The following CD207 variants were observed in gnomAD, a reference collection of about 807,000 sequenced individuals.
The protein encoded by CD207 is CD207 molecule.
CD207 carries 28 observed loss-of-function variants against 31.6 expected under a neutral mutation model. The observed-to-expected ratio is 0.89, with a 90% CI of 0.66 to 1.21. The LOEUF (loss-of-function observed/expected upper bound fraction) is 1.21, where lower values mean the gene tolerates loss of function less well. CD207 is among the 50% of genes most tolerant of loss of function. The probability of loss-of-function intolerance (pLI) is 0.00; values close to 1 mark genes in which losing one functional copy is unlikely to be tolerated. For synonymous variants in CD207, 168 were observed against 153.9 expected, an observed-to-expected ratio of 1.09 and a Z score of -0.68; for missense variants, 388 against 397.8, an observed-to-expected ratio of 0.98 and a Z score of 0.21.
downstream of CD207, among the ~76,000 whole-genome samples, chr2:70,827,385 G>C (rs1412362931): frequency 2.0e-5 from 3 of 152,184 alleles, no homozygotes; most frequent in Non-Finnish European, 1.5e-5. Context: ...GGAGGTTCTT[G>C]GAGGTCTGGG....
Position 70,831,795 on chromosome 2 carries a change from C to T in CD207, c.742G>A (p.Gly248Arg). 2 of 1,612,258 alleles carry T rather than the reference C, an allele frequency of 1.2e-6. No individual in the cohort carries two copies. The highest frequency in any genetic ancestry group is 1.1e-5 in the South Asian group (1 of 91,010). ...EQEFLYKTAG[G>R]LIYWIGLTKA... Reference sequence around the variant, plus strand: ...GTCAGGCCAATCCAGTAGATGAGTCCCCCCGCTGTTTTATACAGAAACTCC... The same window carrying T: ...GTCAGGCCAATCCAGTAGATGAGTCTCCCCGCTGTTTTATACAGAAACTCC... The change falls in exon 5 of 6, where the codon GGA (glycine) becomes AGA (arginine). Residue 248 changes from glycine (G) to arginine (R), a missense_variant. Coordinates refer to ENST00000410009, the MANE Select transcript of CD207 (RefSeq NM_015717.5).
the CD207 span, among the ~76,000 whole-genome samples, chr2:70,824,800 T>G: frequency 6.6e-6 from 1 of 152,196 alleles, no homozygotes; most frequent in East Asian, 1.9e-4. Flanking sequence ...GAGTCCATAC[T>G]GACATAAATG....
At chr2:70,828,103 A>G (rs1677388064), downstream of CD207, among the ~76,000 whole-genome samples, 1 of 152,242 alleles carries the variant, frequency 6.6e-6, no homozygotes, top group African/African-American at 2.4e-5. Context: ...TTCACCTGAC[A>G]ATGGAAAAAT....
downstream of CD207, among the ~76,000 whole-genome samples, chr2:70,828,865 C>T (rs902415521): frequency 1.3e-5 from 2 of 152,096 alleles, no homozygotes; most frequent in African/African-American, 4.8e-5. Context: ...GGGGTTTCAC[C>T]ATGTTGGCCA....
At chr2:70,829,610 G>T (rs13414647), downstream of CD207, among the ~76,000 whole-genome samples, 1 of 152,128 alleles carries the variant, frequency 6.6e-6, no homozygotes, top group African/African-American at 2.4e-5. Flanking sequence ...CTGGTGAGAG[G>T]CAGGGAACTC....
chr2:70,829,365 C>T (rs1677415199), downstream of CD207, among the ~76,000 whole-genome samples: 1 of 152,230 alleles, frequency 6.6e-6, no homozygotes, highest in African/African-American at 2.4e-5. Context: ...CCACACAGGG[C>T]CACATGGGGT....
chr2:70,834,138 A>G, intron 2 of CD207, 118 bp from the exon 3 acceptor site: 8 of 929,224 alleles, frequency 8.6e-6, no homozygotes, highest in Non-Finnish European at 1.2e-5. Flanking sequence ...AAGAACCAAG[A>G]CAGTCCAATG....
chr2:70,829,990 C>G (rs1192462753), downstream of CD207, among the ~76,000 whole-genome samples: 1 of 152,156 alleles, frequency 6.6e-6, no homozygotes, highest in Non-Finnish European at 1.5e-5. Flanking sequence ...GAAAGATCAC[C>G]AAGATCGTGA....
chr2:70,834,638 A>G (rs1553400640), intron 2 of CD207, among the ~76,000 whole-genome samples: 2 of 152,168 alleles, frequency 1.3e-5, no homozygotes, highest in African/African-American at 4.8e-5. Flanking sequence ...AGGCCTGGGT[A>G]CCAGAGAGAG....
At position 70,832,997 on chromosome 2, in the gene CD207, T is replaced by C; in HGVS notation, c.620A>G (p.Tyr207Cys). The part of the protein sequence containing the change: ...QGWKYFKGNF[Y>C]YFSLIPKTWY... ...GGTCTTTGGAATGAGAGAAAAGTAA[T>C]AGAAGTTCCCCTTGAAGTACTTCCA... The change falls in exon 4 of 6, where the codon TAT (tyrosine) becomes TGT (cysteine). Residue 207 changes from tyrosine (Y) to cysteine (C), a missense_variant. Coordinates refer to ENST00000410009, the MANE Select transcript of CD207 (RefSeq NM_015717.5). 1.2e-6 allele frequency: 2 copies of C among 1,613,890 alleles called. No homozygotes were observed. Among genetic ancestry groups the C allele is most frequent in the Non-Finnish European group, 1.7e-6 (2 of 1,179,820 alleles).
rs782121761 is a variant in CD207 at position 70,835,756 on chromosome 2, G to C, written c.21C>G (p.Ala7=). The C allele has an allele frequency of 9.3e-6, 15 of 1,612,598 alleles. No individual in the cohort carries two copies. The highest frequency in any genetic ancestry group is 1.3e-5 in the Non-Finnish European group (15 of 1,179,410). The part of the protein sequence containing the change: MTVEKE[A]PDAHFTVDKQ... ...TGTCCACAGTGAAGTGCGCATCAGGGGCCTCCTTCTCCACAGTCATCCTGA... is the reference window on the plus strand; with the variant it reads ...TGTCCACAGTGAAGTGCGCATCAGGCGCCTCCTTCTCCACAGTCATCCTGA... The change falls in exon 1 of 6, where the codon GCC becomes GCG. Residue 7 remains alanine, a synonymous_variant. Transcript: ENST00000410009.
the CD207 span, among the ~76,000 whole-genome samples, chr2:70,824,637 AAAAAAAAAACT>A: frequency 6.7e-6 from 1 of 149,970 alleles, no homozygotes; most frequent in African/African-American, 2.4e-5. Context: ...AAAAAAAAAA[AAAAAAAAAACT>A]GAGGGAAGTA....
downstream of CD207, among the ~76,000 whole-genome samples, chr2:70,828,757 C>T (rs1553399220): frequency 6.6e-6 from 1 of 152,148 alleles, no homozygotes; most frequent in East Asian, 1.9e-4. Context: ...CCTCTGCCTC[C>T]CAGATTCAAG....
In CD207 at chr2:70,833,996, G is replaced by C; in HGVS notation, c.215C>G (p.Ser72Ter). 2.6e-6 allele frequency: 4 copies of C among 1,514,416 alleles called. No homozygotes were observed. In the East Asian group the frequency reaches 9.1e-5, roughly 34 times the overall value. The allele number at this position is 1,514,416 out of a possible 1,614,324, so 93.8% of individuals were successfully genotyped here. ...VLYPRFMGTI[S>*]DVKTNVQLLK... ...CAACTGGACATTGGTCTTTACATCT[G>C]ATATGGTGCCCATAAACCGGGGATC... The change falls in exon 3 of 6, where the codon TCA becomes TGA. Residue 72 changes from serine (S) to a stop codon, truncating the protein, a stop_gained. Transcript: ENST00000410009. LOFTEE classifies it high-confidence loss of function.
At chr2:70,834,412 C>A (rs1677555077) in intron 2 of CD207, among the ~76,000 whole-genome samples, 1 of 152,104 alleles carries the variant, frequency 6.6e-6, no homozygotes, top group Non-Finnish European at 1.5e-5. Context: ...GACCCCACCC[C>A]TTGGTTGCCA....
intron 4 of CD207, among the ~76,000 whole-genome samples, chr2:70,832,492 C>T (rs1677500208): frequency 6.6e-6 from 1 of 152,198 alleles, no homozygotes; most frequent in African/African-American, 2.4e-5. Flanking sequence ...GAAAGTAGAT[C>T]CTCTCTGCCC....
downstream of CD207, among the ~76,000 whole-genome samples, chr2:70,827,152 C>T (rs186991544): frequency 3.5e-3 from 537 of 152,296 alleles, 3 homozygotes; most frequent in African/African-American, 0.012. Context: ...TCCCACTCTG[C>T]CTAAATTCTG....
At chr2:70,827,082 C>T (rs1406299152), downstream of CD207, among the ~76,000 whole-genome samples, 1 of 152,124 alleles carries the variant, frequency 6.6e-6, no homozygotes, top group Admixed American at 6.6e-5. Flanking sequence ...GTGCCTCAGG[C>T]CTGTCACACT....
rs1297050393 is a variant in CD207 at position 70,830,440 on chromosome 2, C to A, written c.*610G>T. 6.6e-6 allele frequency: 1 copy of A among 152,428 alleles called. No individual in the cohort carries two copies. The highest frequency in any genetic ancestry group is 1.5e-5 in the Non-Finnish European group (1 of 68,278). The allele number at this position is 152,428 out of a possible 1,614,324, so 9.4% of individuals were successfully genotyped here. A position where few individuals can be genotyped will look rare whatever the true frequency, so the allele number is the denominator to read the frequency against. On this transcript the variant is annotated 3_prime_UTR_variant, in exon 6 of 6. Coordinates refer to ENST00000410009, the MANE Select transcript of CD207 (RefSeq NM_015717.5). ...AAGGAGAAGGGAGGCTGGGTGCCAG[C>A]CGAGCTCTGAAGGAGATACAAGTCC...
Sources: gnomAD v4.1 joint callset for allele counts (sites outside exome capture counted in the v4.1 genomes callset) on GRCh38, gnomAD v4.1.1 for gene constraint, MANE v1.5 for transcripts, NCBI Gene and HGNC (gene_info 2026-07-23, HGNC 2026-07-21) for gene names.